ABCA13: variants seen among roughly 807,000 people sequenced by gnomAD.
The protein encoded by ABCA13 is ATP binding cassette subfamily A member 13.
In ABCA13, 476 loss-of-function variants were observed where a neutral mutation model predicts 478.7. That is an observed-to-expected ratio of 0.99 (90% CI 0.92 to 1.07). The LOEUF (loss-of-function observed/expected upper bound fraction) is 1.07, where lower values mean the gene tolerates loss of function less well. Ranked by LOEUF, ABCA13 falls within the 50% of genes least tolerant of loss-of-function variation. The pLI is 0.00. For synonymous variants in ABCA13, 2,252 were observed against 2,158.9 expected (o/e 1.04, Z -1.20); for missense variants, 6,060 against 5,910.6 (o/e 1.03, Z -0.83).
chr7:48,193,915 A>C (rs1797509527), intron 2 of ABCA13, among the ~76,000 whole-genome samples: 1 of 49,820 alleles, frequency 2.0e-5, no homozygotes, highest in South Asian at 9.3e-4. Flanking sequence ...GATGATAGTG[A>C]TGATGCTGAC....
Position 48,272,994 on chromosome 7 carries a change from G to T in ABCA13, c.3328G>T (p.Val1110Leu), listed in dbSNP as rs201667847. The change falls in exon 17 of 62, where the codon GTA (valine) becomes TTA (leucine). Residue 1110 changes from valine (V) to leucine (L), a missense_variant. Transcript: ENST00000435803. ...LISDNKHISS[V>L]NYSTSEESSF... ...TTCGGACAATAAACACATTTCTTCC[G>T]TAAATTATTCAACAAGTGAGGAGTC... 1.9e-6 allele frequency: 3 copies of T among 1,613,498 alleles called. No individual in the cohort carries two copies. Among genetic ancestry groups the T allele is most frequent in the Non-Finnish European group, 2.5e-6 (3 of 1,179,664 alleles).
At chr7:48,548,299 C>G (rs4449736) in intron 55 of ABCA13, among the ~76,000 whole-genome samples, 1 of 151,848 alleles carries the variant, frequency 6.6e-6, no homozygotes, top group Non-Finnish European at 1.5e-5. Flanking sequence ...TAGAAAACTT[C>G]TGAAAGTCCC....
At chr7:48,244,520 A>T in intron 10 of ABCA13, 56 bp from the exon 11 acceptor site, 1 of 1,562,926 alleles carries the variant, frequency 6.4e-7, no homozygotes, top group Non-Finnish European at 8.7e-7. Context: ...TTATTTCCCT[A>T]ATTGGCACTT....
rs10559411 is a variant in ABCA13, at chr7:48,565,214, C to CTTTTTT, written c.14355-14997_14355-14992dup. 6.7e-4 allele frequency among the ~76,000 whole-genome samples: 76 copies of CTTTTTT among 113,756 alleles called. 2 individuals carry two copies. The highest frequency in any genetic ancestry group is 2.4e-3 in the African/African-American group (74 of 30,634). 74.6% of individuals were successfully genotyped at this position (113,756 alleles called of 152,430 possible). ...CAGAGCATGTGTGTAATTTAATGAG[C>CTTTTTT]TTTTTTTTTTTTTTTTTTGCCAGTA... On this transcript the variant is annotated intron_variant, in intron 55 of 61. Transcript: ENST00000435803.
At chr7:48,607,449 G>A (rs1299585521) in intron 58 of ABCA13, among the ~76,000 whole-genome samples, 3 of 152,096 alleles carry the variant, frequency 2.0e-5, no homozygotes, top group Admixed American at 6.5e-5. Context: ...CTTCTGCGTC[G>A]ATCTCTCTGG....
chr7:48,171,665 A>G (rs1011810349), intron 1 of ABCA13, 113 bp downstream of exon 1: 76 of 1,206,724 alleles, frequency 6.3e-5, no homozygotes, highest in Non-Finnish European at 8.8e-5. Context: ...CTCATGCTGC[A>G]GGGAATTTGG....
rs371163165 is a variant in ABCA13, at chr7:48,580,261, G to A, written c.14392G>A (p.Val4798Met). The A allele has an allele frequency of 2.7e-5, 43 of 1,611,048 alleles. No homozygotes were observed. Among genetic ancestry groups the A allele is most frequent in the Middle Eastern group, 3.3e-4 (2 of 6,060 alleles). ...VDLSSAGTAG[V>M]LIGYCPQQDA... ...CCTGTCTTCTGCTGGCACGGCAGGC[G>A]TGCTCATTGGCTACTGTCCCCAGCA... The change falls in exon 56 of 62, where the codon GTG (valine) becomes ATG (methionine). Residue 4798 changes from valine to methionine, a missense_variant. Transcript: ENST00000435803.
chr7:48,248,888 CA>C lies in ABCA13; in HGVS notation c.1866-321del, dbSNP rs1221573215. ...CTAGGATGTTCTTCGTCAAATATGT[CA>C]AATAGGGAATATATATTTTCTTAAT... On this transcript the variant is annotated intron_variant, in intron 14 of 61. Coordinates refer to ENST00000435803, the MANE Select transcript of ABCA13 (RefSeq NM_152701.5). Among the ~76,000 whole-genome samples the C allele has an allele frequency of 2.0e-5, 3 of 152,264 alleles. No homozygotes were observed. In the South Asian group the frequency reaches 6.2e-4, roughly 32 times the overall value.
At chr7:48,644,262 C>T (rs1365033805) in intron 60 of ABCA13, among the ~76,000 whole-genome samples, 3 of 152,148 alleles carry the variant, frequency 2.0e-5, no homozygotes, top group Non-Finnish European at 4.4e-5. Flanking sequence ...GAGATAAGCC[C>T]AAGTCCCAGT....
At chr7:48,422,823 G>A (rs558956266) in intron 41 of ABCA13, among the ~76,000 whole-genome samples, 2 of 152,312 alleles carry the variant, frequency 1.3e-5, no homozygotes, top group African/African-American at 4.8e-5. Context: ...CATCAAAGGG[G>A]GATCGAGGAA....
chr7:48,191,425 CG>C (rs1229680429), intron 1 of ABCA13, among the ~76,000 whole-genome samples: 1 of 152,172 alleles, frequency 6.6e-6, no homozygotes, highest in African/African-American at 2.4e-5. Flanking sequence ...TAATTTGAGA[CG>C]GAGTCTCGCT....
intron 3 of ABCA13, among the ~76,000 whole-genome samples, chr7:48,204,507 G>A (rs762015692): frequency 6.6e-6 from 1 of 152,088 alleles, no homozygotes; most frequent in Non-Finnish European, 1.5e-5. Context: ...CACCGCGCCC[G>A]GCCTATCCTT....
intron 27 of ABCA13, among the ~76,000 whole-genome samples, chr7:48,318,619 C>T (rs765934030): frequency 4.6e-5 from 7 of 150,902 alleles, no homozygotes; most frequent in Non-Finnish European, 1.0e-4. Flanking sequence ...TCACATGGAA[C>T]GACATTGATC....
At position 48,314,429 on chromosome 7, in the gene ABCA13, T is replaced by C. The variant is rs750595691; in HGVS notation, c.9859+20T>C. 1 of 1,520,326 alleles carries C rather than the reference T, an allele frequency of 6.6e-7. No homozygotes were observed. The highest frequency in any genetic ancestry group is 8.9e-7 in the Non-Finnish European group (1 of 1,128,828). 94.2% of individuals were successfully genotyped at this position (1,520,326 alleles called of 1,614,324 possible). A position where few individuals can be genotyped will look rare whatever the true frequency, so the allele number is the denominator to read the frequency against. ...ATTCAAGTAAGACAGTAGTAATATA[T>C]ATATATGTGTTTAGATTCGTTTGTA... On this transcript the variant is annotated intron_variant, in intron 26 of 61. Transcript: ENST00000435803.
chr7:48,348,985 G>T (rs1423777605), intron 29 of ABCA13, among the ~76,000 whole-genome samples: 2 of 152,190 alleles, frequency 1.3e-5, no homozygotes, highest in Non-Finnish European at 2.9e-5. Flanking sequence ...AAGCTAGATG[G>T]CATGTGTTTG....
intron 45 of ABCA13, among the ~76,000 whole-genome samples, chr7:48,478,119 A>G (rs1484546512): frequency 6.6e-6 from 1 of 150,824 alleles, no homozygotes; most frequent in African/African-American, 2.4e-5. Context: ...TTATTTATTT[A>G]TTTTAATTGA....
At position 48,306,260 on chromosome 7, in the gene ABCA13, A is replaced by C. The variant is rs893746657; in HGVS notation, c.9322-3687A>C. ...AGAGATGTAAAAAATTTCAGGACAA[A>C]TATTTTTTGTCCTGGGACTAGACTC... On this transcript the variant is annotated intron_variant, in intron 23 of 61. Transcript: ENST00000435803. Among the ~76,000 whole-genome samples the C allele has an allele frequency of 3.3e-5, 5 of 152,148 alleles. No homozygotes were observed. In the South Asian group the frequency reaches 8.3e-4, roughly 25 times the overall value.
intron 19 of ABCA13, among the ~76,000 whole-genome samples, chr7:48,285,278 G>A (rs2128794818): frequency 6.6e-6 from 1 of 152,326 alleles, no homozygotes; most frequent in Admixed American, 6.5e-5. Context: ...GATCTGGAAA[G>A]CCAGAGTGGG....
Position 48,272,669 on chromosome 7 carries a change from A to G in ABCA13, c.3003A>G (p.Gln1001=), listed in dbSNP as rs772811172. The G allele has an allele frequency of 1.2e-6, 2 of 1,612,980 alleles. No individual in the cohort carries two copies. Among genetic ancestry groups the G allele is most frequent in the South Asian group, 2.2e-5 (2 of 91,016 alleles). The change falls in exon 17 of 62, where the codon CAA becomes CAG. Residue 1001 remains glutamine, a synonymous_variant. Coordinates refer to ENST00000435803, the MANE Select transcript of ABCA13 (RefSeq NM_152701.5). ...AACACATTTTGGATATCATAAAACA[A>G]TTTAATTTCCAAAACATCAGTAAAG... is the stretch of plus-strand genomic sequence containing the variant. The part of the protein sequence containing the change: ...ISKHILDIIK[Q]FNFQNISKAF...
Sources: allele counts gnomAD v4.1 joint callset (sites outside exome capture counted in the v4.1 genomes callset), GRCh38; gene constraint gnomAD v4.1.1; transcripts MANE v1.5; gene names NCBI Gene and HGNC (gene_info 2026-07-23, HGNC 2026-07-21).